ACAD10: variants seen among roughly 807,000 people sequenced by gnomAD.
ACAD10 encodes acyl-CoA dehydrogenase family member 10, also known as ACAD-10.
In ACAD10, 112 loss-of-function variants were observed where a neutral mutation model predicts 116.8. The observed-to-expected ratio is 0.96, with a 90% CI of 0.82 to 1.12. The LOEUF (loss-of-function observed/expected upper bound fraction) is 1.12, where lower values mean the gene tolerates loss of function less well. Among genes scored for constraint, ACAD10 ranks in the 50% most tolerant of loss-of-function variants. The pLI is 0.00. For missense variants in ACAD10, 1,259 were observed against 1,350.2 expected (o/e 0.93, Z 1.06); for synonymous variants, 486 against 510.6 (o/e 0.95, Z 0.65).
intron 1 of ACAD10, chr12:111,691,057 A>G (rs1411119525): frequency 1.3e-5 from 2 of 152,094 alleles, no homozygotes; most frequent in Non-Finnish European, 2.9e-5. Context: ...TTTTATTTCA[A>G]GCTTATAGAA....
At chr12:111,696,810 A>G (rs1211646320) in intron 2 of ACAD10, among the ~76,000 whole-genome samples, 2 of 152,214 alleles carry the variant, frequency 1.3e-5, no homozygotes, top group Non-Finnish European at 2.9e-5. Flanking sequence ...GGCCGGGCAC[A>G]GTAGCTCACG....
chr12:111,722,996 C>T (rs1416837046), intron 8 of ACAD10, among the ~76,000 whole-genome samples: 78 of 149,006 alleles, frequency 5.2e-4, no homozygotes, highest in Non-Finnish European at 1.0e-3. Context: ...CCGGACGGGG[C>T]GGGTGGCCGG....
intron 6 of ACAD10, among the ~76,000 whole-genome samples, chr12:111,713,935 C>G (rs898191435): frequency 1.3e-5 from 2 of 150,072 alleles, no homozygotes; most frequent in Non-Finnish European, 3.0e-5. Context: ...TCCGTCCCCC[C>G]CCCAAAAAAA....
chr12:111,753,371 G>A (rs1227876210), intron 18 of ACAD10: 5 of 402,570 alleles, frequency 1.2e-5, no homozygotes, highest in African/African-American at 4.1e-5. Context: ...GGCACCCTTC[G>A]CCTGCGCCGT....
At chr12:111,723,026 C>T (rs1265628352) in intron 8 of ACAD10, among the ~76,000 whole-genome samples, 1 of 144,966 alleles carries the variant, frequency 6.9e-6, no homozygotes, top group East Asian at 2.1e-4. Flanking sequence ...TGACCCCCCC[C>T]CACCTCCCTC....
intron 8 of ACAD10, among the ~76,000 whole-genome samples, chr12:111,723,688 C>A (rs1355329514): frequency 6.2e-5 from 9 of 144,232 alleles, no homozygotes. Flanking sequence ...GGGCTGACCC[C>A]CCCCCCCACC....
At chr12:111,746,993 CTG>C (rs1028542388) in intron 14 of ACAD10, 54 bp from the exon 15 acceptor site, 13 of 1,519,220 alleles carry the variant, frequency 8.6e-6, no homozygotes, top group Middle Eastern at 1.9e-4. Flanking sequence ...GAGCTTGACT[CTG>C]TTTTTTTTAG....
In ACAD10 at chr12:111,753,922, G is replaced by A; in HGVS notation, c.2961+7G>A. On this transcript the variant is annotated splice_region_variant and intron_variant, in intron 19 of 20. Coordinates refer to ENST00000313698, the MANE Select transcript of ACAD10 (RefSeq NM_025247.6). The stretch of plus-strand genomic sequence containing the variant: ...GGACCTGGCAGGAAACAAGGTAGGG[G>A]CAGGGGCACGAGGGGGCCTCCCAGA... The A allele has an allele frequency of 6.3e-7, 1 of 1,596,718 alleles. No homozygotes were observed. Among genetic ancestry groups the A allele is most frequent in the Non-Finnish European group, 8.6e-7 (1 of 1,169,004 alleles).
At chr12:111,755,795 C>T (rs775690750) in intron 20 of ACAD10, 50 bp downstream of exon 20, 1 of 1,558,712 alleles carries the variant, frequency 6.4e-7, no homozygotes, top group Non-Finnish European at 8.8e-7. Context: ...ATACTAGATG[C>T]CAAACTCTCC....
At chr12:111,751,941 C>G (rs748511157) in intron 18 of ACAD10, among the ~76,000 whole-genome samples, 3 of 151,822 alleles carry the variant, frequency 2.0e-5, no homozygotes, top group Non-Finnish European at 4.4e-5. Flanking sequence ...GCCTGTAATC[C>G]CAGCTACTTG....
intron 2 of ACAD10, among the ~76,000 whole-genome samples, chr12:111,695,493 T>C (rs1400629789): frequency 6.6e-6 from 1 of 152,164 alleles, no homozygotes; most frequent in African/African-American, 2.4e-5. Flanking sequence ...CAGTGGGATA[T>C]GTTCATGTCT....
chr12:111,754,958 C>A (rs1294437553), intron 19 of ACAD10, among the ~76,000 whole-genome samples: 1 of 152,226 alleles, frequency 6.6e-6, no homozygotes, highest in Non-Finnish European at 1.5e-5. Flanking sequence ...TGCTGTCAAG[C>A]CGTACACCAG....
rs1295203671 is a variant in ACAD10, at chr12:111,749,354, T to C, written c.2817+9T>C. On this transcript the variant is annotated intron_variant, in intron 18 of 20. Coordinates refer to ENST00000313698, the MANE Select transcript of ACAD10 (RefSeq NM_025247.6). Reference sequence around the variant, plus strand: ...CACTCATGAAGGCCCGCGTGAGTGCTTTCCCCCGCACCCAGCACTGACTCA... The same window carrying C: ...CACTCATGAAGGCCCGCGTGAGTGCCTTCCCCCGCACCCAGCACTGACTCA... 2.9e-5 allele frequency: 46 copies of C among 1,609,012 alleles called. No homozygotes were observed. The highest frequency in any genetic ancestry group is 3.8e-5 in the Non-Finnish European group (45 of 1,177,450).
At chr12:111,747,673 A>G in intron 16 of ACAD10, 2 of 1,217,742 alleles carry the variant, frequency 1.6e-6, no homozygotes, top group Non-Finnish European at 2.1e-6. Context: ...CCTGCTGTTC[A>G]TTCTGCTTTG....
chr12:111,701,550 A>G (rs995940034), intron 2 of ACAD10, among the ~76,000 whole-genome samples: 1 of 152,288 alleles, frequency 6.6e-6, no homozygotes, highest in African/African-American at 2.4e-5. Context: ...CTATAATCTC[A>G]GCTACCTGGG....
chr12:111,714,047 G>A (rs1222340889), intron 6 of ACAD10, among the ~76,000 whole-genome samples: 1 of 150,646 alleles, frequency 6.6e-6, no homozygotes. Flanking sequence ...GAGTTTGAGA[G>A]CAGCCTGGCC....
chr12:111,708,365 G>A (rs1566146684), intron 4 of ACAD10, among the ~76,000 whole-genome samples: 1 of 152,060 alleles, frequency 6.6e-6, no homozygotes, highest in Non-Finnish European at 1.5e-5. Flanking sequence ...GTCTCAGCCA[G>A]TACAGCTCTG....
Position 111,728,150 on chromosome 12 carries a change from A to T in ACAD10, c.1243+7A>T. On this transcript the variant is annotated splice_region_variant and intron_variant, in intron 9 of 20. Coordinates refer to ENST00000313698, the MANE Select transcript of ACAD10 (RefSeq NM_025247.6). ...GAAGACTATGGGAAGCAAGGTGAGC[A>T]GGAGGCCACGTCTCCCATGCTGGTT... 6.3e-7 allele frequency: 1 copy of T among 1,591,942 alleles called. No homozygotes were observed. The highest frequency in any genetic ancestry group is 8.6e-7 in the Non-Finnish European group (1 of 1,168,452).
chr12:111,754,940 TC>T (rs1052151693), intron 19 of ACAD10, among the ~76,000 whole-genome samples: 1 of 152,166 alleles, frequency 6.6e-6, no homozygotes, highest in Non-Finnish European at 1.5e-5. Flanking sequence ...GCGCCCTTCA[TC>T]CCTGGGTGCT....
Sources: allele counts gnomAD v4.1 joint callset (sites outside exome capture counted in the v4.1 genomes callset), GRCh38; gene constraint gnomAD v4.1.1; transcripts MANE v1.5; gene names NCBI Gene and HGNC (gene_info 2026-07-23, HGNC 2026-07-21).